Variants in NAV1 observed in about 807,000 individuals in gnomAD.
NAV1 encodes neuron navigator 1.
Under a neutral mutation model 175.2 loss-of-function variants are expected in NAV1, and 18 were observed. The ratio of observed to expected loss-of-function variants is 0.10; its 90% CI spans 0.07 to 0.15. The LOEUF (loss-of-function observed/expected upper bound fraction) is 0.15. NAV1 is among the 10% of genes least tolerant of loss of function. The pLI is 1.00. For synonymous variants in NAV1, 897 were observed against 978.7 expected (o/e 0.92, Z 1.56); for missense variants, 1,731 against 2,436.6 (o/e 0.71, Z 6.10).
intron 2 of NAV1, among the ~76,000 whole-genome samples, chr1:201,605,589 G>A (rs1178408403): frequency 6.6e-6 from 1 of 152,152 alleles, no homozygotes; most frequent in Non-Finnish European, 1.5e-5. Flanking sequence ...TGAGAGCCAC[G>A]GGCATTTTTT....
intron 2 of NAV1, among the ~76,000 whole-genome samples, chr1:201,591,935 A>G (rs527722730): frequency 1.9e-4 from 29 of 152,314 alleles, no homozygotes; most frequent in African/African-American, 7.0e-4. Flanking sequence ...CAAAATTGCC[A>G]CCTGGATAGA....
intron 1 of NAV1, among the ~76,000 whole-genome samples, chr1:201,546,002 G>T (rs1312587754): frequency 1.3e-5 from 2 of 152,192 alleles, no homozygotes; most frequent in Non-Finnish European, 2.9e-5. Context: ...TGAGTTGACT[G>T]GGAAGGAGTA....
chr1:201,702,820 T>TATATG, intron 1 of NAV1, among the ~76,000 whole-genome samples: 1 of 152,262 alleles, frequency 6.6e-6, no homozygotes, highest in African/African-American at 2.4e-5. Context: ...CATTTGCTGT[T>TATATG]ATATGTCCTT....
At position 201,648,751 on chromosome 1, in the gene NAV1, G is replaced by T. The variant is rs750485103; in HGVS notation, c.83G>T (p.Arg28Leu). 2.9e-6 allele frequency: 4 copies of T among 1,403,124 alleles called. No individual in the cohort carries two copies. In the African/African-American group the frequency reaches 4.5e-5, roughly 16 times the overall value. 86.9% of individuals were successfully genotyped at this position (1,403,124 alleles called of 1,614,324 possible). Residue 28 changes from arginine to leucine, a missense_variant, in exon 1 of 30, where the codon CGG (arginine) becomes CTG (leucine). By Grantham distance (102) the Arg-to-Leu change is moderately radical. Coordinates refer to ENST00000367296, the Ensembl canonical transcript of NAV1. ...GGCGACGAGGGCGCGGACGAACCGCGGGGCGCCGGCAGGAAGGCGGCAGCG... is the reference window on the plus strand; with the variant it reads ...GGCGACGAGGGCGCGGACGAACCGCTGGGCGCCGGCAGGAAGGCGGCAGCG...
chr1:201,593,078 T>C (rs556194454), intron 2 of NAV1, among the ~76,000 whole-genome samples: 6 of 152,304 alleles, frequency 3.9e-5, no homozygotes, highest in African/African-American at 1.4e-4. Context: ...CACCAAGCAG[T>C]GTTGCCCCAT....
chr1:201,706,391 C>T (rs896052659), intron 1 of NAV1, among the ~76,000 whole-genome samples: 2 of 152,066 alleles, frequency 1.3e-5, no homozygotes, highest in Admixed American at 6.6e-5. Context: ...ATTTACATTG[C>T]AGTTCACCTC....
intron 2 of NAV1, among the ~76,000 whole-genome samples, chr1:201,641,768 C>G (rs1668758763): frequency 6.6e-6 from 1 of 152,146 alleles, no homozygotes; most frequent in South Asian, 2.1e-4. Flanking sequence ...GTTCCCAGCC[C>G]TTGCTCTCCA....
intron 3 of NAV1, among the ~76,000 whole-genome samples, chr1:201,758,905 T>G (rs1365170910): frequency 6.6e-6 from 1 of 152,248 alleles, no homozygotes; most frequent in African/African-American, 2.4e-5. Flanking sequence ...TGTTTTCTTC[T>G]TACTAGCTGT....
In NAV1 at chr1:201,788,452, C is replaced by G; in HGVS notation, c.2996-16C>G. 1 of 1,613,908 alleles carries G rather than the reference C, an allele frequency of 6.2e-7. No homozygotes were observed. Among genetic ancestry groups the G allele is most frequent in the Non-Finnish European group, 8.5e-7 (1 of 1,179,940 alleles). On this transcript the variant is annotated splice_polypyrimidine_tract_variant and intron_variant, in intron 9 of 29. Transcript: ENST00000367296. The surrounding 1 kb of genome is among the most constrained non-coding windows in gnomAD (Gnocchi z 5.7). ...TCCTGCTCCCTCTCCTGTCCCCCTT[C>G]CCTCTGTCCTTCCAGTGAGTCCCAC... is the stretch of plus-strand genomic sequence containing the variant.
rs59829618 is a variant in NAV1 at position 201,807,735 on chromosome 1, C to T, written c.3649-218C>T. Among the ~76,000 whole-genome samples, 8,807 of 152,120 alleles carry T rather than the reference C, an allele frequency of 0.058. 845 individuals are homozygous for T. The highest frequency in any genetic ancestry group is 0.2 in the African/African-American group (8,286 of 41,464). On this transcript the variant is annotated intron_variant, in intron 17 of 29. Transcript: ENST00000367296. This position sits in a 1 kb window ranked among gnomAD's most constrained non-coding sequence, Gnocchi z 5.4. ...GTTGCCAGGCTGGAGTGCAGTGGCT[C>T]GATCTCAGCTCACTGCAACCTCTGC... is the stretch of plus-strand genomic sequence containing the variant.
chr1:201,794,488 G>A, exon 15 of NAV1: 2 of 1,613,406 alleles, frequency 1.2e-6, no homozygotes, highest in Non-Finnish European at 1.7e-6. Context: ...CTGGATTTGC[G>A]AGAAACCATA....
chr1:201,612,184 C>T (rs1158395915), intron 2 of NAV1, among the ~76,000 whole-genome samples: 2 of 152,178 alleles, frequency 1.3e-5, no homozygotes, highest in Admixed American at 1.3e-4. Context: ...GGCATGGTGG[C>T]TCATGCCTAT....
At chr1:201,641,233 A>G (rs535622788) in intron 2 of NAV1, among the ~76,000 whole-genome samples, 1 of 152,300 alleles carries the variant, frequency 6.6e-6, no homozygotes, top group Admixed American at 6.5e-5. Context: ...AAATTCTAAC[A>G]GCTTCAAAAT....
chr1:201,786,901 C>T (rs977296501), intron 9 of NAV1, among the ~76,000 whole-genome samples: 2 of 152,214 alleles, frequency 1.3e-5, no homozygotes, highest in African/African-American at 4.8e-5. Context: ...CGGAAAGGAG[C>T]CACCACACCC....
chr1:201,788,820 G>T lies in NAV1; in HGVS notation c.3166+182G>T, dbSNP rs547988599. On this transcript the variant is annotated intron_variant, in intron 10 of 29. Coordinates refer to ENST00000367296, the Ensembl canonical transcript of NAV1. The surrounding 1 kb of genome is among the most constrained non-coding windows in gnomAD (Gnocchi z 5.7). Reference sequence around the variant, plus strand: ...GGGTCTGGGGACCCAGAAACCTTGGGTGGCACATCTAGCACTGGGGCATTG... The same window carrying T: ...GGGTCTGGGGACCCAGAAACCTTGGTTGGCACATCTAGCACTGGGGCATTG... 1.3e-5 allele frequency among the ~76,000 whole-genome samples: 2 copies of T among 152,240 alleles called. No individual in the cohort carries two copies. The highest frequency in any genetic ancestry group is 4.1e-4 in the South Asian group (2 of 4,826).
At chr1:201,755,491 ATATACT>A (rs1293075158) in intron 3 of NAV1, among the ~76,000 whole-genome samples, 51 of 152,284 alleles carry the variant, frequency 3.3e-4, no homozygotes, top group African/African-American at 1.2e-3. Context: ...GAGGAAGAAG[ATATACT>A]TATTTTAGCT....
chr1:201,718,559 G>T lies in NAV1; in HGVS notation c.1030G>T (p.Ala344Ser). The change falls in exon 3 of 30, where the codon GCC becomes TCC. Residue 344 changes from alanine to serine, a missense_variant. By Grantham distance (99) the Ala-to-Ser change is moderately conservative. Around this residue, in one of 13 missense-constraint regions of NAV1, gnomAD observed 487 missense variants for 581.3 expected, o/e 0.84. Transcript: ENST00000367296. The surrounding 1 kb of genome is among the most constrained non-coding windows in gnomAD (Gnocchi z 4.8). The stretch of plus-strand genomic sequence containing the variant: ...GAGCTGCCGCTCGGAGGGGACGCCC[G>T]CCTGGTACATGCACGGCGAACGGGC... 1.2e-6 allele frequency: 2 copies of T among 1,613,832 alleles called. No homozygotes were observed. The highest frequency in any genetic ancestry group is 1.7e-6 in the Non-Finnish European group (2 of 1,179,898).
upstream of NAV1, chr1:201,622,845 C>T: frequency 1.0e-6 from 1 of 985,896 alleles, no homozygotes; most frequent in Non-Finnish European, 1.2e-6. Flanking sequence ...TGCCCTCTCT[C>T]CCTGCAGGAC....
exon 8 of NAV1, chr1:201,785,347 C>T (rs750964957): frequency 1.9e-6 from 3 of 1,611,724 alleles, no homozygotes; most frequent in East Asian, 2.2e-5. Flanking sequence ...CAAGAAAGGG[C>T]TCAGGTAACC....
Sources: allele counts gnomAD v4.1 joint callset (sites outside exome capture counted in the v4.1 genomes callset), GRCh38; gene constraint gnomAD v4.1.1; regional missense constraint gnomAD v4.1.1; non-coding constraint Gnocchi (gnomAD v3.1); transcripts MANE v1.5; gene names NCBI Gene and HGNC (gene_info 2026-07-23, HGNC 2026-07-21).